Variants in HERC3 observed in about 807,000 individuals in gnomAD.
HERC3 encodes the protein probable E3 ubiquitin-protein ligase HERC3.
In HERC3, 58 loss-of-function variants were observed where a neutral mutation model predicts 129.9. The observed-to-expected ratio is 0.45, with a 90% CI of 0.36 to 0.56. The LOEUF (loss-of-function observed/expected upper bound fraction) is 0.56. Among genes scored for constraint, HERC3 ranks in the 20% least tolerant of loss-of-function variants. The pLI, the probability that HERC3 is intolerant of heterozygous loss-of-function variation, is 0.00. For synonymous variants in HERC3, 430 were observed against 451.0 expected (o/e 0.95, Z 0.59); for missense variants, 835 against 1,244.2 (o/e 0.67, Z 4.95).
the HERC3 span, among the ~76,000 whole-genome samples, chr4:88,553,473 T>G: frequency 1.3e-5 from 2 of 152,108 alleles, no homozygotes; most frequent in South Asian, 4.1e-4. Flanking sequence ...GACAATAATA[T>G]TTTTCTCAAG....
chr4:88,676,858 C>G (rs1268908878), intron 18 of HERC3, among the ~76,000 whole-genome samples: 1 of 152,062 alleles, frequency 6.6e-6, no homozygotes, highest in East Asian at 1.9e-4. Context: ...AATGTAGAAA[C>G]CATGCCGGGT....
In HERC3 at chr4:88,678,035, C is replaced by G; in HGVS notation, c.2097C>G (p.Ser699Arg). 3 of 1,613,922 alleles carry G rather than the reference C, an allele frequency of 1.9e-6. No homozygotes were observed. Among genetic ancestry groups the G allele is most frequent in the Non-Finnish European group, 2.5e-6 (3 of 1,179,982 alleles). The part of the protein sequence containing the change: ...LLTLEPLLAR[S>R]PFLVLHVRRN... ...CCCTGGAGCCTCTGCTGGCCAGAAGCCCCTTCCTGGTCCTTCACGTTCGCA... is the reference window on the plus strand; with the variant it reads ...CCCTGGAGCCTCTGCTGGCCAGAAGGCCCTTCCTGGTCCTTCACGTTCGCA... The change falls in exon 19 of 26, where the codon AGC (serine) becomes AGG (arginine). Residue 699 changes from serine (S) to arginine (R), a missense_variant. Physicochemically the swap from Ser to Arg is moderately radical, Grantham distance 110. Transcript: ENST00000402738.
chr4:88,652,173 A>T (rs983813907), intron 5 of HERC3, 85 bp downstream of exon 5: 7 of 1,050,598 alleles, frequency 6.7e-6, no homozygotes, highest in Non-Finnish European at 1.0e-5. Flanking sequence ...TATCTAACTG[A>T]AAACTTTGAA....
chr4:88,624,533 G>A (rs1436495368), intron 3 of HERC3, among the ~76,000 whole-genome samples: 1 of 152,162 alleles, frequency 6.6e-6, no homozygotes, highest in Non-Finnish European at 1.5e-5. Flanking sequence ...CTTTTGCAGA[G>A]TGTATGTTCA....
chr4:88,536,520 A>G, the HERC3 span, among the ~76,000 whole-genome samples: 1 of 152,172 alleles, frequency 6.6e-6, no homozygotes, highest in Non-Finnish European at 1.5e-5. Context: ...ATTCTTTTAT[A>G]TGTCTGTCTC....
At chr4:88,624,137 G>C (rs756756368) in intron 3 of HERC3, among the ~76,000 whole-genome samples, 24 of 152,134 alleles carry the variant, frequency 1.6e-4, no homozygotes, top group Non-Finnish European at 3.2e-4. Flanking sequence ...TTACTGGGTG[G>C]TATTCCCATT....
intron 3 of HERC3, among the ~76,000 whole-genome samples, chr4:88,640,321 C>T (rs1458740692): frequency 6.6e-6 from 1 of 152,080 alleles, no homozygotes; most frequent in Non-Finnish European, 1.5e-5. Flanking sequence ...CATGGAACCA[C>T]CCCAAATGCC....
At chr4:88,682,123 C>T (rs1299660900) in intron 21 of HERC3, among the ~76,000 whole-genome samples, 1 of 152,110 alleles carries the variant, frequency 6.6e-6, no homozygotes. Flanking sequence ...TGGGTTGTTT[C>T]CAGTTTTGAC....
At chr4:88,613,981 A>T (rs1459834919) in intron 3 of HERC3, among the ~76,000 whole-genome samples, 1 of 152,138 alleles carries the variant, frequency 6.6e-6, no homozygotes, top group Non-Finnish European at 1.5e-5. Context: ...TCTGATACTC[A>T]GCCTACATTC....
chr4:88,565,505 GT>G, the HERC3 span, among the ~76,000 whole-genome samples: 4 of 152,020 alleles, frequency 2.6e-5, no homozygotes, highest in African/African-American at 9.6e-5. Flanking sequence ...TCTTTTTATA[GT>G]TTTTGTCTTG....
At position 88,650,018 on chromosome 4, in the gene HERC3, G is replaced by A; in HGVS notation, c.386+19G>A. On this transcript the variant is annotated intron_variant, in intron 4 of 25. Coordinates refer to ENST00000402738, the MANE Select transcript of HERC3 (RefSeq NM_014606.3). ...TGCCCAGGTAAGAAGGTTTTCAAAT[G>A]TCAGTCGTTTTAAATGCTATTTCCT... 2 of 1,600,162 alleles carry A rather than the reference G, an allele frequency of 1.2e-6. No individual in the cohort carries two copies. Among genetic ancestry groups the A allele is most frequent in the Non-Finnish European group, 1.7e-6 (2 of 1,171,008 alleles).
In HERC3 at chr4:88,653,045, T is replaced by C; in HGVS notation, c.640T>C (p.Trp214Arg). The C allele has an allele frequency of 6.2e-7, 1 of 1,614,172 alleles. No individual in the cohort carries two copies. The highest frequency in any genetic ancestry group is 8.5e-7 in the Non-Finnish European group (1 of 1,180,020). ...ALSLSGAVFG[W>R]GMNNAGQLGL... ...GTCTCTCTCAGGAGCTGTTTTTGGC[T>C]GGGGGATGAATAATGCCGGGCAGCT... Residue 214 changes from tryptophan to arginine, a missense_variant, in exon 6 of 26, where the codon TGG becomes CGG. Trp to Arg is a moderately radical substitution (Grantham distance 101, BLOSUM62 -3). Coordinates refer to ENST00000402738, the MANE Select transcript of HERC3 (RefSeq NM_014606.3).
chr4:88,548,216 C>G, the HERC3 span, among the ~76,000 whole-genome samples: 2 of 151,950 alleles, frequency 1.3e-5, no homozygotes, highest in Admixed American at 1.3e-4. Flanking sequence ...CAATATATAC[C>G]TAGGATTAGA....
the HERC3 span, among the ~76,000 whole-genome samples, chr4:88,554,553 A>G: frequency 2.0e-5 from 3 of 152,354 alleles, no homozygotes; most frequent in African/African-American, 7.2e-5. Flanking sequence ...AGGCATAGGT[A>G]GCCCACAGTT....
intron 11 of HERC3, among the ~76,000 whole-genome samples, chr4:88,662,996 T>C (rs1270588587): frequency 2.0e-5 from 3 of 147,754 alleles, no homozygotes; most frequent in Non-Finnish European, 4.4e-5. Flanking sequence ...TTCAGAGTCA[T>C]GTAGAAAAAA....
intron 2 of HERC3, among the ~76,000 whole-genome samples, chr4:88,598,371 A>G (rs1722623135): frequency 6.6e-6 from 1 of 152,154 alleles, no homozygotes; most frequent in South Asian, 2.1e-4. Flanking sequence ...AATGCACACA[A>G]AAAAACTTCC....
rs560644744 is a variant in HERC3 at position 88,617,928 on chromosome 4, C to T, written c.226+11879C>T. Among the ~76,000 whole-genome samples the T allele has an allele frequency of 2.0e-5, 3 of 152,184 alleles. No homozygotes were observed. The East Asian group carries it at 5.8e-4, about 29-fold the overall frequency. ...GCAGAAAAGTGGGGACCATTATGCC[C>T]TTAGGCAGCAAGTCCCCTGGTTTCC... On this transcript the variant is annotated intron_variant, in intron 3 of 25. Transcript: ENST00000402738.
At chr4:88,655,099 G>T in intron 7 of HERC3, 75 bp from the exon 8 acceptor site, 2 of 1,486,644 alleles carry the variant, frequency 1.3e-6, no homozygotes, top group Non-Finnish European at 9.2e-7. Context: ...TGTTGTGATA[G>T]GCATTTTGTA....
intron 3 of HERC3, among the ~76,000 whole-genome samples, chr4:88,623,194 A>G (rs1343266115): frequency 1.3e-5 from 2 of 152,176 alleles, no homozygotes; most frequent in Non-Finnish European, 2.9e-5. Flanking sequence ...TTTTGATGCA[A>G]GTGGCTAGGA....
Sources: gnomAD v4.1 joint callset for allele counts (sites outside exome capture counted in the v4.1 genomes callset) on GRCh38, gnomAD v4.1.1 for gene constraint, MANE v1.5 for transcripts, NCBI Gene and HGNC (gene_info 2026-07-23, HGNC 2026-07-21) for gene names.